ANKRD17: variants seen among roughly 807,000 people sequenced by gnomAD.
ANKRD17 encodes ankyrin repeat domain-containing protein 17.
In ANKRD17, 19 loss-of-function variants were observed where a neutral mutation model predicts 229.7. The observed-to-expected ratio is 0.08, with a 90% CI of 0.06 to 0.12. ANKRD17 has a LOEUF of 0.12. ANKRD17 is among the 10% of genes least tolerant of loss of function. The pLI is 1.00. For synonymous variants in ANKRD17, 1,112 were observed against 1,146.1 expected, an observed-to-expected ratio of 0.97 and a Z score of 0.60; for missense variants, 2,176 against 3,176.8, an observed-to-expected ratio of 0.68 and a Z score of 7.57.
At chr4:73,119,239 C>T (rs1726395705) in intron 21 of ANKRD17, among the ~76,000 whole-genome samples, 1 of 152,124 alleles carries the variant, frequency 6.6e-6, no homozygotes, top group African/African-American at 2.4e-5. Flanking sequence ...CAACTATCAA[C>T]ATGTGAAAAT....
At chr4:73,084,897 C>T (rs1289797771) in intron 30 of ANKRD17, among the ~76,000 whole-genome samples, 1 of 151,770 alleles carries the variant, frequency 6.6e-6, no homozygotes, top group Non-Finnish European at 1.5e-5. Context: ...AAAAATGATC[C>T]CTCAGGACAG....
chr4:73,112,160 G>A (rs1000652506), intron 24 of ANKRD17, among the ~76,000 whole-genome samples: 2 of 152,134 alleles, frequency 1.3e-5, no homozygotes, highest in Non-Finnish European at 2.9e-5. Flanking sequence ...GATCATTACA[G>A]GATCTTAAAA....
intron 1 of ANKRD17, among the ~76,000 whole-genome samples, chr4:73,216,461 G>A (rs548509490): frequency 5.9e-5 from 9 of 152,222 alleles, no homozygotes; most frequent in African/African-American, 2.2e-4. Context: ...AATCCCTGAC[G>A]CTCAAATTTT....
In ANKRD17 at chr4:73,078,701, A is replaced by G; in HGVS notation, c.7349T>C (p.Leu2450Ser). 6.2e-7 allele frequency: 1 copy of G among 1,614,206 alleles called. No homozygotes were observed. The highest frequency in any genetic ancestry group is 8.5e-7 in the Non-Finnish European group (1 of 1,180,024). Residue 2450 changes from leucine (L) to serine (S), a missense_variant, in exon 31 of 34, where the codon TTG (leucine) becomes TCG (serine). Coordinates refer to ENST00000358602, the MANE Select transcript of ANKRD17 (RefSeq NM_032217.5). Reference protein sequence around the residue: ...TSAPSVIGSNLSTSVGHSGIW... With the variant: ...TSAPSVIGSNSSTSVGHSGIW... Reference sequence around the variant, plus strand: ...GCCACTATGTCCTACTGATGTAGACAAATTGCTCCCAATAACAGATGGAGC... The same window carrying G: ...GCCACTATGTCCTACTGATGTAGACGAATTGCTCCCAATAACAGATGGAGC...
chr4:73,116,021 A>G, intron 22 of ANKRD17, 105 bp from the exon 23 acceptor site: 1 of 875,906 alleles, frequency 1.1e-6, no homozygotes, highest in Non-Finnish European at 1.9e-6. Context: ...CAAAGTAAAG[A>G]CTAAATTGCA....
intron 23 of ANKRD17, 54 bp from the exon 24 acceptor site, chr4:73,113,962 GA>G: frequency 7.7e-7 from 1 of 1,301,340 alleles, no homozygotes; most frequent in Non-Finnish European, 1.1e-6. Flanking sequence ...CTCACTTAGA[GA>G]AATTCCTAAA....
chr4:73,073,467 A>T lies in ANKRD17; in HGVS notation c.*2764T>A, dbSNP rs1275173992. The T allele has an allele frequency of 6.6e-6, 1 of 152,126 alleles. No individual in the cohort carries two copies. Among genetic ancestry groups the T allele is most frequent in the Non-Finnish European group, 1.5e-5 (1 of 67,950 alleles). The allele number at this position is 152,126 out of a possible 1,614,324, so 9.4% of individuals were successfully genotyped here. A position where few individuals can be genotyped will look rare whatever the true frequency, so the allele number is the denominator to read the frequency against. On this transcript the variant is annotated 3_prime_UTR_variant, in exon 34 of 34. Transcript: ENST00000358602. Reference sequence around the variant, plus strand: ...TTTAGTCTAACACTGTACTGTTTTAAAAATAAGTAATATAGGGTACAAAAT... The same window carrying T: ...TTTAGTCTAACACTGTACTGTTTTATAAATAAGTAATATAGGGTACAAAAT...
chr4:73,121,867 A>C, intron 18 of ANKRD17, 108 bp from the exon 19 acceptor site: 7 of 1,150,470 alleles, frequency 6.1e-6, no homozygotes, highest in Non-Finnish European at 8.3e-6. Context: ...AAGAAGGGGA[A>C]AGTTCTTCCT....
Position 73,077,439 on chromosome 4 carries a change from C to T in ANKRD17, c.7503G>A (p.Glu2501=), listed in dbSNP as rs768609565. ...PGVFSQHQAM[E]RDSTGIVTPS... ...GAGTTACAATTCCTGTACTATCTCG[C>T]TCCATTGCTTGATGTTGTGAAAATA... Residue 2501 remains glutamate (E), a synonymous_variant, in exon 32 of 34, where the codon GAG becomes GAA. Coordinates refer to ENST00000358602, the MANE Select transcript of ANKRD17 (RefSeq NM_032217.5). 2.5e-6 allele frequency: 4 copies of T among 1,613,874 alleles called. No individual in the cohort carries two copies. Among genetic ancestry groups the T allele is most frequent in the South Asian group, 2.2e-5 (2 of 91,054 alleles).
intron 1 of ANKRD17, among the ~76,000 whole-genome samples, chr4:73,216,942 C>A (rs1741136079): frequency 1.3e-5 from 2 of 152,186 alleles, no homozygotes; most frequent in Admixed American, 6.5e-5. Context: ...AAGATATATA[C>A]TAAACCAAAC....
intron 1 of ANKRD17, among the ~76,000 whole-genome samples, chr4:73,189,403 G>GTTTTTTTTTTTTTTTTTTTTTTTTTTT (rs763345325): frequency 1.8e-5 from 2 of 112,700 alleles, no homozygotes; most frequent in African/African-American, 3.5e-5. Context: ...TGCCTGGAAT[G>GTTTTTTTTTTTTTTTTTTTTTTTTTTT]TTTTTTTTTT....
chr4:73,142,482 T>C (rs1271264278), intron 12 of ANKRD17, 97 bp from the exon 13 acceptor site: 27 of 1,567,600 alleles, frequency 1.7e-5, no homozygotes, highest in Middle Eastern at 1.7e-4. Context: ...CCCAGACGCA[T>C]TAAAATCATA....
intron 1 of ANKRD17, among the ~76,000 whole-genome samples, chr4:73,190,570 AAAAAC>A (rs1261436539): frequency 6.6e-6 from 1 of 151,338 alleles, no homozygotes; most frequent in African/African-American, 2.4e-5. Flanking sequence ...AAAACAAAAA[AAAAAC>A]AAAAAAAACC....
intron 1 of ANKRD17, among the ~76,000 whole-genome samples, chr4:73,257,173 G>T (rs1745524202): frequency 6.6e-6 from 1 of 152,132 alleles, no homozygotes; most frequent in Admixed American, 6.5e-5. Context: ...TGCTGATAAA[G>T]ATTTCCCTCT....
intron 1 of ANKRD17, among the ~76,000 whole-genome samples, chr4:73,244,948 G>C (rs910450221): frequency 6.6e-6 from 1 of 152,134 alleles, no homozygotes; most frequent in Admixed American, 6.5e-5. Flanking sequence ...AATATGGTGT[G>C]TTGGCTATTT....
At chr4:73,131,036 A>T (rs1728131010) in intron 16 of ANKRD17, among the ~76,000 whole-genome samples, 1 of 152,188 alleles carries the variant, frequency 6.6e-6, no homozygotes, top group South Asian at 2.1e-4. Flanking sequence ...CAAAGGTCAG[A>T]GCAATGCTAT....
At chr4:73,151,813 T>A (rs1484982476) in intron 6 of ANKRD17, among the ~76,000 whole-genome samples, 2 of 152,110 alleles carry the variant, frequency 1.3e-5, no homozygotes, top group Admixed American at 1.3e-4. Flanking sequence ...TACAACCTTT[T>A]AAGAGCCCAG....
At chr4:73,230,322 G>T (rs1335229045) in intron 1 of ANKRD17, among the ~76,000 whole-genome samples, 1 of 151,922 alleles carries the variant, frequency 6.6e-6, no homozygotes, top group African/African-American at 2.4e-5. Context: ...AATAATTAAA[G>T]ATTTTTTTTT....
At chr4:73,255,534 G>T (rs1001696252) in intron 1 of ANKRD17, among the ~76,000 whole-genome samples, 1 of 152,108 alleles carries the variant, frequency 6.6e-6, no homozygotes, top group Non-Finnish European at 1.5e-5. Flanking sequence ...AGACTTCCTA[G>T]CTCCAGAAAG....
Sources: allele counts gnomAD v4.1 joint callset (sites outside exome capture counted in the v4.1 genomes callset), GRCh38; gene constraint gnomAD v4.1.1; transcripts MANE v1.5; gene names NCBI Gene and HGNC (gene_info 2026-07-23, HGNC 2026-07-21).